The following MAGEC3 variants were observed in gnomAD, a reference collection of about 807,000 sequenced individuals.
The protein encoded by MAGEC3 is MAGE family member C3, also known as melanoma-associated antigen C3.
In MAGEC3, 34 loss-of-function variants were observed where a neutral mutation model predicts 35.3. The ratio of observed to expected loss-of-function variants is 0.96; its 90% confidence interval spans 0.73 to 1.28. The LOEUF (loss-of-function observed/expected upper bound fraction) is 1.28, where lower values mean the gene tolerates loss of function less well. MAGEC3 is among the 50% of genes most tolerant of loss of function. The probability of loss-of-function intolerance (pLI) is 0.00; values close to 1 mark genes in which losing one functional copy is unlikely to be tolerated. For synonymous variants in MAGEC3, 202 were observed against 185.6 expected (o/e 1.09, Z -0.72); for missense variants, 561 against 483.6 (o/e 1.16, Z -1.50).
chrX:141,873,863 G>T (rs1301368468), intron 2 of MAGEC3, among the ~76,000 whole-genome samples: 1 of 111,626 alleles, frequency 9.0e-6, no homozygotes, highest in African/African-American at 3.3e-5. Context: ...TTATTTTAAG[G>T]ACTAAAATAT....
At chrX:141,893,717 G>A (rs937222854) in intron 4 of MAGEC3, among the ~76,000 whole-genome samples, 1 of 102,343 alleles carries the variant, frequency 9.8e-6, no homozygotes, top group Non-Finnish European at 2.0e-5. Flanking sequence ...CAGGAATTGG[G>A]GGGGGGGGCG....
At chrX:141,863,956 C>T (rs1282279393) in intron 1 of MAGEC3, among the ~76,000 whole-genome samples, 1 of 111,317 alleles carries the variant, frequency 9.0e-6, no homozygotes, top group Non-Finnish European at 1.9e-5. Context: ...ATACGAAAAA[C>T]AGATCACCAT....
intron 1 of MAGEC3, among the ~76,000 whole-genome samples, chrX:141,846,209 T>G (rs1569471545): frequency 9.2e-6 from 1 of 108,671 alleles, no homozygotes; most frequent in Non-Finnish European, 1.9e-5. Context: ...CACCAGTGTT[T>G]TTTTTTTTTT....
At chrX:141,870,494 T>A (rs1001316948) in intron 2 of MAGEC3, among the ~76,000 whole-genome samples, 6 of 111,262 alleles carry the variant, frequency 5.4e-5, no homozygotes, top group African/African-American at 2.0e-4. Flanking sequence ...TTTACACAGG[T>A]TTTTTTTGCA....
In MAGEC3 at chrX:141,838,326, C is replaced by T. The variant is rs928631902; in HGVS notation, c.11C>T (p.Pro4Leu). 5.0e-6 allele frequency: 6 copies of T among 1,208,167 alleles called. No individual in the cohort carries two copies. The highest frequency in any genetic ancestry group is 3.5e-5 in the African/African-American group (2 of 57,176). Residue 4 changes from proline (P) to leucine (L), a missense_variant, in exon 1 of 8, where the codon CCC becomes CTC. Pro to Leu is a moderately conservative substitution (Grantham distance 98). Coordinates refer to ENST00000298296, the MANE Select transcript of MAGEC3 (RefSeq NM_138702.1). MLL[P>L]CHWVLDATFS... ...AGGGTGGCAGTGGCCATGCTGCTGC[C>T]CTGCCACTGGGTGTTGGATGCCACC...
intron 6 of MAGEC3, 113 bp downstream of exon 6, chrX:141,895,672 T>G: frequency 4.9e-6 from 3 of 609,854 alleles, no homozygotes; most frequent in Non-Finnish European, 6.7e-6. Context: ...TCAGCCCTCG[T>G]AGAGCTCCTC....
chrX:141,862,252 A>G (rs959140214), intron 1 of MAGEC3, among the ~76,000 whole-genome samples: 2 of 112,111 alleles, frequency 1.8e-5, no homozygotes, highest in African/African-American at 6.5e-5. Flanking sequence ...TACCATAGGT[A>G]GAATGCCTAT....
rs368986775 is a variant in MAGEC3, at chrX:141,845,913, TA to T, written c.123+7477del. On this transcript the variant is annotated intron_variant, in intron 1 of 7. Coordinates refer to ENST00000298296, the MANE Select transcript of MAGEC3 (RefSeq NM_138702.1). ...GCCCTCATTTGTAAAGTGGATATTA[TA>T]ATACATATGAATACATATGTGATAG... 1.9e-3 allele frequency among the ~76,000 whole-genome samples: 215 copies of T among 111,062 alleles called. 1 individual carries two copies. The highest frequency in any genetic ancestry group is 6.5e-3 in the African/African-American group (201 of 30,759).
intron 4 of MAGEC3, among the ~76,000 whole-genome samples, chrX:141,890,261 G>C (rs919910703): frequency 3.6e-5 from 4 of 111,310 alleles, no homozygotes; most frequent in African/African-American, 1.3e-4. Flanking sequence ...CTGGAGTGTA[G>C]TGGTGTGAAC....
At chrX:141,859,900 G>A (rs1393959968) in intron 1 of MAGEC3, among the ~76,000 whole-genome samples, 1 of 111,860 alleles carries the variant, frequency 8.9e-6, no homozygotes, top group African/African-American at 3.2e-5. Flanking sequence ...TTTGCAATAC[G>A]TGTCCTATTC....
chrX:141,879,410 T>TG lies in MAGEC3; in HGVS notation c.495dup (p.Trp166ValfsTer21). On this transcript the variant is annotated frameshift_variant, in exon 3 of 8. Transcript: ENST00000298296. LOFTEE classifies it high-confidence loss of function. ...CCTGCCGTCAGCCCTGGAAAAAGGT[T>TG]GTGGGGGGAGAAAGCGGGGAGGTGG... The TG allele has an allele frequency of 8.5e-7, 1 of 1,176,678 alleles. No individual in the cohort carries two copies.
intron 1 of MAGEC3, among the ~76,000 whole-genome samples, chrX:141,855,520 A>G (rs778675668): frequency 7.5e-5 from 8 of 106,761 alleles, no homozygotes; most frequent in African/African-American, 2.7e-4. Flanking sequence ...ATATGATATA[A>G]CATGTGTAGA....
intron 2 of MAGEC3, among the ~76,000 whole-genome samples, chrX:141,871,757 T>C (rs1412136543): frequency 3.6e-5 from 4 of 111,324 alleles, no homozygotes; most frequent in African/African-American, 1.3e-4. Flanking sequence ...GAAAGGGACA[T>C]GATTGTGAGC....
intron 3 of MAGEC3, chrX:141,880,844 C>G (rs761201183): frequency 8.8e-7 from 1 of 1,132,783 alleles, no homozygotes; most frequent in African/African-American, 1.8e-5. Flanking sequence ...TGTAAGCCGG[C>G]CTTTGTCAGA....
At chrX:141,895,726 G>A (rs1333181436) in intron 6 of MAGEC3, among the ~76,000 whole-genome samples, 167 bp downstream of exon 6, 2 of 106,702 alleles carry the variant, frequency 1.9e-5, no homozygotes, top group African/African-American at 3.4e-5. Flanking sequence ...GCTGGGGGAG[G>A]GGTGGAGGGG....
At chrX:141,842,740 C>T (rs1176390778) in intron 1 of MAGEC3, among the ~76,000 whole-genome samples, 1 of 111,797 alleles carries the variant, frequency 8.9e-6, no homozygotes, top group African/African-American at 3.2e-5. Flanking sequence ...CACAGTGAAT[C>T]ACTGGCAGAC....
intron 3 of MAGEC3, chrX:141,880,641 C>G: frequency 5.0e-6 from 2 of 399,158 alleles, no homozygotes; most frequent in Non-Finnish European, 8.5e-6. Context: ...AGGGCCCTAC[C>G]CCCACAAACA....
intron 1 of MAGEC3, among the ~76,000 whole-genome samples, chrX:141,863,042 T>A (rs1008843892): frequency 6.3e-5 from 7 of 111,677 alleles, no homozygotes; most frequent in African/African-American, 2.3e-4. Flanking sequence ...TGTAACCAGA[T>A]TTCACATGTA....
intron 2 of MAGEC3, among the ~76,000 whole-genome samples, chrX:141,874,247 T>A (rs1202976319): frequency 9.0e-6 from 1 of 111,461 alleles, no homozygotes; most frequent in African/African-American, 3.3e-5. Context: ...AAAATAAAAT[T>A]TTAAAAAACC....
Sources: allele counts gnomAD v4.1 joint callset (sites outside exome capture counted in the v4.1 genomes callset), GRCh38; gene constraint gnomAD v4.1.1; transcripts MANE v1.5; gene names NCBI Gene and HGNC (gene_info 2026-07-23, HGNC 2026-07-21).